The following MSRA variants were observed in gnomAD, a reference collection of about 807,000 sequenced individuals.
MSRA encodes methionine sulfoxide reductase A.
Under a neutral mutation model 31.3 loss-of-function variants are expected in MSRA, and 54 were observed. That is an observed-to-expected ratio of 1.73 (90% CI 1.39 to 2.17). The LOEUF (loss-of-function observed/expected upper bound fraction) is 2.17. Among genes scored for constraint, MSRA ranks in the 30% most tolerant of loss-of-function variants. The pLI is 0.00. For synonymous variants in MSRA, 169 were observed against 116.5 expected (o/e 1.45, Z -2.90); for missense variants, 507 against 300.9 (o/e 1.69, Z -5.07).
intron 5 of MSRA, among the ~76,000 whole-genome samples, chr8:10,368,859 C>A (rs150415487): frequency 1.3e-5 from 2 of 152,116 alleles, no homozygotes; most frequent in African/African-American, 4.8e-5. Context: ...TCAGTAAATT[C>A]CAAAGGGCCT....
intron 3 of MSRA, 47 bp from the exon 4 acceptor site, chr8:10,301,487 A>G (rs969471978): frequency 1.4e-6 from 2 of 1,458,008 alleles, no homozygotes; most frequent in East Asian, 2.3e-5. Flanking sequence ...CTTGCAATAA[A>G]TGGATGTTGT....
At chr8:10,397,256 C>T (rs886964628) in intron 5 of MSRA, among the ~76,000 whole-genome samples, 6 of 152,180 alleles carry the variant, frequency 3.9e-5, no homozygotes, top group Non-Finnish European at 5.9e-5. Context: ...CAAACCAGTG[C>T]GCAAATATTT....
intron 1 of MSRA, among the ~76,000 whole-genome samples, chr8:10,188,302 G>A (rs1223236745): frequency 6.6e-6 from 1 of 152,174 alleles, no homozygotes. Flanking sequence ...TTGTGGATTT[G>A]TGTAACACAG....
At chr8:10,416,303 ACTT>A (rs1256259635) in intron 5 of MSRA, among the ~76,000 whole-genome samples, 6 of 152,270 alleles carry the variant, frequency 3.9e-5, no homozygotes, top group South Asian at 2.1e-4. Context: ...GAGTTTAAAA[ACTT>A]CTTCACAGAG....
chr8:10,275,784 A>C (rs1799289447), intron 3 of MSRA, among the ~76,000 whole-genome samples: 1 of 152,226 alleles, frequency 6.6e-6, no homozygotes, highest in Non-Finnish European at 1.5e-5. Flanking sequence ...AATCCATGAA[A>C]AAAGCAGGGC....
intron 1 of MSRA, among the ~76,000 whole-genome samples, chr8:10,196,987 CAT>C (rs1199265152): frequency 6.6e-6 from 1 of 152,212 alleles, no homozygotes; most frequent in Non-Finnish European, 1.5e-5. Flanking sequence ...ATAGGAAACA[CAT>C]GTCTTAGTAT....
chr8:10,397,596 G>T (rs1031757390), intron 5 of MSRA, among the ~76,000 whole-genome samples: 6 of 152,326 alleles, frequency 3.9e-5, no homozygotes, highest in South Asian at 4.1e-4. Flanking sequence ...CTTCATCCAC[G>T]ACGGTAGCTA....
chr8:10,426,865 C>T (rs1248316679), intron 5 of MSRA, among the ~76,000 whole-genome samples: 5 of 152,198 alleles, frequency 3.3e-5, no homozygotes, highest in African/African-American at 1.2e-4. Context: ...ATTAGAATGG[C>T]TCCTCATTCT....
chr8:10,099,118 A>C (rs572897675), intron 1 of MSRA, among the ~76,000 whole-genome samples: 5 of 152,272 alleles, frequency 3.3e-5, no homozygotes, highest in African/African-American at 1.2e-4. Flanking sequence ...AGTGAGAGAG[A>C]GAGAGAGTGC....
At chr8:10,183,811 C>CTGCTGCTGCTGCTGCTGGTGG (rs1473314987) in intron 1 of MSRA, among the ~76,000 whole-genome samples, 43 of 123,500 alleles carry the variant, frequency 3.5e-4, no homozygotes, top group African/African-American at 1.5e-3. Flanking sequence ...GGTGGTGGTG[C>CTGCTGCTGCTGCTGCTGGTGG]TGCTGCTGCT....
At chr8:10,257,259 C>T (rs910767265) in intron 3 of MSRA, among the ~76,000 whole-genome samples, 1 of 151,952 alleles carries the variant, frequency 6.6e-6, no homozygotes, top group African/African-American at 2.4e-5. Flanking sequence ...GATGACAGGC[C>T]CTCTCCGTCT....
intron 1 of MSRA, among the ~76,000 whole-genome samples, chr8:10,186,384 T>A (rs1239273263): frequency 6.6e-6 from 1 of 152,168 alleles, no homozygotes; most frequent in Non-Finnish European, 1.5e-5. Flanking sequence ...AATGAATGAG[T>A]GTGGCTGTGT....
intron 2 of MSRA, among the ~76,000 whole-genome samples, chr8:10,240,664 C>T (rs898421324): frequency 3.3e-5 from 5 of 152,196 alleles, no homozygotes; most frequent in African/African-American, 1.2e-4. Context: ...GCCCTTGAGT[C>T]CACAGCTGTC....
At chr8:10,086,119 C>G (rs1218594084) in intron 1 of MSRA, among the ~76,000 whole-genome samples, 1 of 152,176 alleles carries the variant, frequency 6.6e-6, no homozygotes, top group Admixed American at 6.5e-5. Flanking sequence ...TTTTAAGAAA[C>G]TGCTAAACTG....
chr8:10,087,273 C>G (rs1466675758), intron 1 of MSRA, among the ~76,000 whole-genome samples: 2 of 152,132 alleles, frequency 1.3e-5, no homozygotes, highest in Non-Finnish European at 2.9e-5. Context: ...CAGGTTGTTT[C>G]CTTCCTGTGT....
chr8:10,057,593 T>G (rs1802451895), intron 1 of MSRA, among the ~76,000 whole-genome samples: 1 of 152,190 alleles, frequency 6.6e-6, no homozygotes, highest in Non-Finnish European at 1.5e-5. Flanking sequence ...TCCCACCTGT[T>G]GGAGGAGGGG....
intron 1 of MSRA, among the ~76,000 whole-genome samples, chr8:10,120,550 G>T (rs10503402): frequency 0.022 from 3,309 of 152,240 alleles, 103 homozygotes; most frequent in African/African-American, 0.069. Flanking sequence ...GTTACCTCAC[G>T]TCAATTCAGT....
At chr8:10,124,702 T>C (rs374156141) in intron 1 of MSRA, among the ~76,000 whole-genome samples, 1 of 152,236 alleles carries the variant, frequency 6.6e-6, no homozygotes, top group Non-Finnish European at 1.5e-5. Context: ...CACTTATCTT[T>C]CCTGAAATTT....
intron 5 of MSRA, among the ~76,000 whole-genome samples, chr8:10,359,468 A>G (rs143157148): frequency 0.01 from 1,531 of 152,228 alleles, 25 homozygotes; most frequent in African/African-American, 0.035. Context: ...TTAAAGTAAT[A>G]TGCTGCATAT....
Sources: allele counts gnomAD v4.1 joint callset (sites outside exome capture counted in the v4.1 genomes callset), GRCh38; gene constraint gnomAD v4.1.1; transcripts MANE v1.5; gene names NCBI Gene and HGNC (gene_info 2026-07-23, HGNC 2026-07-21).